NFXL1: variants seen among roughly 807,000 people sequenced by gnomAD.
NFXL1 encodes nuclear transcription factor, X-box binding like 1.
Under a neutral mutation model 123.3 loss-of-function variants are expected in NFXL1, and 66 were observed. The ratio of observed to expected loss-of-function variants is 0.54; its 90% confidence interval spans 0.44 to 0.66. The LOEUF is 0.66. Among genes scored for constraint, NFXL1 ranks in the 30% least tolerant of loss-of-function variants. The pLI is 0.00. For missense variants in NFXL1, 944 were observed against 1,125.6 expected (o/e 0.84, Z 2.31); for synonymous variants, 346 against 360.8 (o/e 0.96, Z 0.46).
intron 4 of NFXL1, among the ~76,000 whole-genome samples, chr4:47,904,708 T>C (rs564137684): frequency 5.3e-5 from 8 of 152,336 alleles, no homozygotes; most frequent in African/African-American, 1.9e-4. Context: ...GCTTCATTAA[T>C]GCCCTTTTAA....
chr4:47,880,221 T>A (rs1459819722), intron 15 of NFXL1, among the ~76,000 whole-genome samples: 1 of 151,516 alleles, frequency 6.6e-6, no homozygotes, highest in Admixed American at 6.6e-5. Context: ...ACATAATGAA[T>A]CCCTGTCTCT....
In NFXL1 at chr4:47,905,487, A is replaced by T. The variant is rs191738005; in HGVS notation, c.407-141T>A. 347 of 451,460 alleles carry T rather than the reference A, an allele frequency of 7.7e-4. 1 individual carries two copies. The highest frequency in any genetic ancestry group is 6.4e-3 in the African/African-American group (317 of 49,728). The allele number at this position is 451,460 out of a possible 1,614,324, so 28.0% of individuals were successfully genotyped here. ...AGCTGTAAAACAAGAAGTTTTTTTT[A>T]AAAAAGTAACCAATGAGCTGTCAAG... On this transcript the variant is annotated intron_variant, in intron 3 of 22. Coordinates refer to ENST00000507489, the MANE Select transcript of NFXL1 (RefSeq NM_001278624.2).
chr4:47,874,313 A>C (rs1196881291), intron 18 of NFXL1, among the ~76,000 whole-genome samples: 3 of 152,152 alleles, frequency 2.0e-5, no homozygotes, highest in African/African-American at 4.8e-5. Context: ...AAGCTTAATC[A>C]TTTCTAGCTT....
intron 19 of NFXL1, among the ~76,000 whole-genome samples, chr4:47,859,863 AAAAAAAAC>A (rs1435996282): frequency 0.13 from 6,173 of 46,610 alleles, 782 homozygotes; most frequent in Non-Finnish European, 0.17. Flanking sequence ...AAAAAAAAAA[AAAAAAAAC>A]AAACAAACAA....
In NFXL1 at chr4:47,851,151, GT is replaced by G; in HGVS notation, c.2509-4del. ...GCTTTGGCTTCTGCTTCTTTTATCT[GT>G]TTATACACATACAAAAGTCAATTTA... On this transcript the variant is annotated splice_polypyrimidine_tract_variant and splice_region_variant and intron_variant, in intron 21 of 22. Transcript: ENST00000507489. The G allele has an allele frequency of 6.2e-7, 1 of 1,604,494 alleles. No individual in the cohort carries two copies.
At chr4:47,878,270 T>TA (rs1158933135) in intron 17 of NFXL1, among the ~76,000 whole-genome samples, 1 of 151,952 alleles carries the variant, frequency 6.6e-6, no homozygotes, top group African/African-American at 2.4e-5. Context: ...ATATCCTATG[T>TA]ATTAACACAG....
intron 3 of NFXL1, among the ~76,000 whole-genome samples, chr4:47,905,721 G>A (rs1040183290): frequency 7.3e-6 from 1 of 137,316 alleles, no homozygotes; most frequent in Non-Finnish European, 1.5e-5. Flanking sequence ...TAGAGCCACT[G>A]AGCATAAATA....
chr4:47,875,143 G>A lies in NFXL1; in HGVS notation c.2230C>T (p.Leu744=). ...TCTACTTACCTACATTCCACATACA[G>A]GCTTGTGATCTTACAGTGACATTTT... The part of the protein sequence containing the change: ...RIKCHCKITS[L]YVECRKITTA... Residue 744 remains leucine (L), a synonymous_variant, in exon 18 of 23, where the codon CTG becomes TTG. Coordinates refer to ENST00000507489, the MANE Select transcript of NFXL1 (RefSeq NM_001278624.2). The A allele has an allele frequency of 1.9e-6, 3 of 1,609,122 alleles. No individual in the cohort carries two copies. The highest frequency in any genetic ancestry group is 2.2e-5 in the East Asian group (1 of 44,782).
At chr4:47,883,643 T>G (rs1736246168) in intron 15 of NFXL1, among the ~76,000 whole-genome samples, 1 of 152,204 alleles carries the variant, frequency 6.6e-6, no homozygotes, top group African/African-American at 2.4e-5. Flanking sequence ...CTATTTCAAC[T>G]GGGAGGAATG....
intron 15 of NFXL1, among the ~76,000 whole-genome samples, chr4:47,881,862 G>A (rs957821966): frequency 6.6e-6 from 1 of 152,136 alleles, no homozygotes; most frequent in African/African-American, 2.4e-5. Flanking sequence ...ATACATGGTT[G>A]CTAGGAGTTT....
intron 18 of NFXL1, among the ~76,000 whole-genome samples, chr4:47,866,966 T>C (rs1735120959): frequency 6.6e-6 from 1 of 152,190 alleles, no homozygotes; most frequent in South Asian, 2.1e-4. Context: ...GTACAAACTA[T>C]GTGGCTCCAC....
intron 18 of NFXL1, among the ~76,000 whole-genome samples, chr4:47,866,844 G>A (rs896134042): frequency 6.6e-6 from 1 of 152,206 alleles, no homozygotes; most frequent in African/African-American, 2.4e-5. Context: ...TATGTACCAG[G>A]TGAGGCTGCC....
intron 12 of NFXL1, among the ~76,000 whole-genome samples, chr4:47,887,474 A>G (rs1344300396): frequency 6.6e-6 from 1 of 152,234 alleles, no homozygotes; most frequent in Non-Finnish European, 1.5e-5. Flanking sequence ...AGGGTCAAAC[A>G]TAACATTTAT....
In NFXL1 at chr4:47,875,226, G is replaced by A. The variant is rs763883962; in HGVS notation, c.2147C>T (p.Pro716Leu). The stretch of plus-strand genomic sequence containing the variant: ...TCCAGGGTGACATCGCAAAATACAT[G>A]GGTGAAGACAACCTAGTGGCCGTGA... ...SKSRPLGCLHPCILRCHPGEC... is the reference protein window; with the variant it reads ...SKSRPLGCLHLCILRCHPGEC... The change falls in exon 18 of 23, where the codon CCA becomes CTA. Residue 716 changes from proline (P) to leucine (L), a missense_variant. By Grantham distance (98) the Pro-to-Leu change is moderately conservative (BLOSUM62 -3). Around this residue, in one of 4 missense-constraint regions of NFXL1, gnomAD observed 301 missense variants for 348.0 expected, o/e 0.86. Coordinates refer to ENST00000507489, the MANE Select transcript of NFXL1 (RefSeq NM_001278624.2). 1.2e-6 allele frequency: 2 copies of A among 1,612,954 alleles called. No homozygotes were observed. The highest frequency in any genetic ancestry group is 1.3e-5 in the African/African-American group (1 of 74,850).
intron 9 of NFXL1, 27 bp downstream of exon 9, chr4:47,897,940 A>G: frequency 1.4e-6 from 2 of 1,380,348 alleles, no homozygotes; most frequent in Non-Finnish European, 2.0e-6. Flanking sequence ...CATTTCCTAT[A>G]TAAATATAAA....
rs1360828815 is a variant in NFXL1, at chr4:47,914,543, G to C, written c.-181C>G. 2 of 259,212 alleles carry C rather than the reference G, an allele frequency of 7.7e-6. No individual in the cohort carries two copies. Among genetic ancestry groups the C allele is most frequent in the Non-Finnish European group, 1.5e-5 (2 of 136,142 alleles). 16.1% of individuals were successfully genotyped at this position (259,212 alleles called of 1,614,324 possible). On this transcript the variant is annotated 5_prime_UTR_variant, in exon 1 of 23. Transcript: ENST00000507489. ...GGAGCGTGGTAGGGGAAGAGTCACAGACTGACCCTGCGTCTCCCGCCGGGA... is the reference window on the plus strand; with the variant it reads ...GGAGCGTGGTAGGGGAAGAGTCACACACTGACCCTGCGTCTCCCGCCGGGA...
chr4:47,913,750 G>A (rs1443446765), intron 2 of NFXL1, among the ~76,000 whole-genome samples: 5 of 152,136 alleles, frequency 3.3e-5, no homozygotes, highest in Admixed American at 2.0e-4. Flanking sequence ...AGTAACAAAG[G>A]TAATACCACC....
chr4:47,865,393 CAT>C (rs1734994571), intron 18 of NFXL1, among the ~76,000 whole-genome samples: 1 of 150,884 alleles, frequency 6.6e-6, no homozygotes, highest in East Asian at 2.0e-4. Context: ...CCTCAAAAAA[CAT>C]ATAGCTCATT....
In NFXL1 at chr4:47,898,749, A is replaced by C. The variant is rs780955034; in HGVS notation, c.1089+8T>G. The C allele has an allele frequency of 5.8e-6, 9 of 1,560,240 alleles. No individual in the cohort carries two copies. In the East Asian group the frequency reaches 2.0e-4, roughly 35 times the overall value. The stretch of plus-strand genomic sequence containing the variant: ...AATACCCACCCCTCAAAATGCATAT[A>C]AACTTACTTGATCACAGTGCCATAG... On this transcript the variant is annotated splice_region_variant and intron_variant, in intron 8 of 22. Coordinates refer to ENST00000507489, the MANE Select transcript of NFXL1 (RefSeq NM_001278624.2).
Sources: gnomAD v4.1 joint callset for allele counts (sites outside exome capture counted in the v4.1 genomes callset) on GRCh38, gnomAD v4.1.1 for gene constraint, gnomAD v4.1.1 regional missense constraint, MANE v1.5 for transcripts, NCBI Gene and HGNC (gene_info 2026-07-23, HGNC 2026-07-21) for gene names.